Variants in SNTB2 observed in about 807,000 individuals in gnomAD.
SNTB2 encodes the protein syntrophin beta 2.
SNTB2 carries 34 observed loss-of-function variants against 46.2 expected under a neutral mutation model. That is an observed-to-expected ratio of 0.74 (90% CI 0.56 to 0.98). SNTB2 has a LOEUF of 0.98. Ranked by LOEUF, SNTB2 falls within the 50% of genes least tolerant of loss-of-function variation. The probability of loss-of-function intolerance (pLI) is 0.00; values close to 1 mark genes in which losing one functional copy is unlikely to be tolerated. For missense variants in SNTB2, 603 were observed against 731.4 expected, an observed-to-expected ratio of 0.82 and a Z score of 2.02; for synonymous variants, 290 against 312.6, an observed-to-expected ratio of 0.93 and a Z score of 0.76.
At chr16:69,225,555 AT>A (rs1964450499) in intron 1 of SNTB2, among the ~76,000 whole-genome samples, 1 of 152,306 alleles carries the variant, frequency 6.6e-6, no homozygotes, top group South Asian at 2.1e-4. Context: ...GTTACATCCA[AT>A]TATGTGTAAC....
At chr16:69,201,432 C>T (rs1411732289) in intron 1 of SNTB2, among the ~76,000 whole-genome samples, 1 of 152,132 alleles carries the variant, frequency 6.6e-6, no homozygotes, top group Non-Finnish European at 1.5e-5. Context: ...TAGGAAAAAA[C>T]ATAGCAAAAT....
chr16:69,205,570 TTTCTTTCC>T (rs1964208619), intron 1 of SNTB2, among the ~76,000 whole-genome samples: 1 of 152,108 alleles, frequency 6.6e-6, no homozygotes, highest in Non-Finnish European at 1.5e-5. Context: ...TCAGTTTTAG[TTTCTTTCC>T]TTCCCTCTCT....
intron 2 of SNTB2, among the ~76,000 whole-genome samples, chr16:69,257,446 T>A (rs1377892286): frequency 6.6e-6 from 1 of 150,462 alleles, no homozygotes; most frequent in Non-Finnish European, 1.5e-5. Flanking sequence ...TATTTATTTA[T>A]TTATTTATTT....
intron 1 of SNTB2, among the ~76,000 whole-genome samples, chr16:69,245,279 C>T (rs1015844942): frequency 3.3e-5 from 5 of 152,024 alleles, no homozygotes; most frequent in Non-Finnish European, 7.4e-5. Context: ...CTGCAGCCAC[C>T]GCCTCCCGGG....
At chr16:69,245,949 G>A in intron 2 of SNTB2, 134 bp downstream of exon 2, 1 of 931,992 alleles carries the variant, frequency 1.1e-6, no homozygotes, top group African/African-American at 1.7e-5. Flanking sequence ...CATTTTTGGG[G>A]TTCCACATTT....
intron 3 of SNTB2, among the ~76,000 whole-genome samples, chr16:69,264,704 A>G (rs1025060953): frequency 6.6e-6 from 1 of 152,192 alleles, no homozygotes; most frequent in Non-Finnish European, 1.5e-5. Context: ...GAAGAAAGAA[A>G]AAAAAGAAAG....
intron 2 of SNTB2, among the ~76,000 whole-genome samples, chr16:69,254,710 G>T (rs1244981905): frequency 1.3e-5 from 2 of 152,218 alleles, no homozygotes; most frequent in Admixed American, 6.5e-5. Context: ...AAGCACAGTG[G>T]CTCATGCCTA....
At chr16:69,190,397 G>A (rs761991936) in intron 1 of SNTB2, among the ~76,000 whole-genome samples, 1 of 152,216 alleles carries the variant, frequency 6.6e-6, no homozygotes, top group Non-Finnish European at 1.5e-5. Flanking sequence ...GGGATTTGCA[G>A]GAGTTATTTA....
chr16:69,276,202 CA>C (rs11345899), intron 4 of SNTB2, among the ~76,000 whole-genome samples: 38,499 of 136,616 alleles, frequency 0.28, 5,364 homozygotes, highest in African/African-American at 0.4. Context: ...AAAAAGATCT[CA>C]AAAAAAAAAA....
In SNTB2 at chr16:69,308,637, T is replaced by C. The variant is rs1367648915; in HGVS notation, c.*7713T>C. 2 of 152,230 alleles carry C rather than the reference T, an allele frequency of 1.3e-5. No individual in the cohort carries two copies. The allele number at this position is 152,230 out of a possible 1,614,324, so 9.4% of individuals were successfully genotyped here. On this transcript the variant is annotated 3_prime_UTR_variant, in exon 7 of 7. Coordinates refer to ENST00000336278, the MANE Select transcript of SNTB2 (RefSeq NM_006750.4). ...CAAACTCTGATGATACCTGCTTATGTGGATTCTTTTCCACACTGCTTTCAT... is the reference window on the plus strand; with the variant it reads ...CAAACTCTGATGATACCTGCTTATGCGGATTCTTTTCCACACTGCTTTCAT...
At chr16:69,248,597 A>C (rs771888284) in intron 2 of SNTB2, among the ~76,000 whole-genome samples, 29 of 152,276 alleles carry the variant, frequency 1.9e-4, no homozygotes, top group South Asian at 1.2e-3. Context: ...GCGCCTCTGC[A>C]CTCCAGTCTG....
At chr16:69,226,424 C>T (rs572312065) in intron 1 of SNTB2, among the ~76,000 whole-genome samples, 2 of 151,800 alleles carry the variant, frequency 1.3e-5, no homozygotes, top group Admixed American at 1.3e-4. Context: ...ATCATATGTG[C>T]TAGCAATAGA....
chr16:69,256,196 G>C (rs1247849456), intron 2 of SNTB2, among the ~76,000 whole-genome samples: 2 of 151,546 alleles, frequency 1.3e-5, no homozygotes, highest in African/African-American at 4.8e-5. Flanking sequence ...AAAAAAAAAA[G>C]TTTTGTAGAG....
At chr16:69,218,198 A>G (rs1316237930) in intron 1 of SNTB2, among the ~76,000 whole-genome samples, 1 of 152,192 alleles carries the variant, frequency 6.6e-6, no homozygotes, top group Non-Finnish European at 1.5e-5. Flanking sequence ...TAATCACAGG[A>G]TAAGCATGCT....
chr16:69,223,697 C>T (rs1366236127), intron 1 of SNTB2, among the ~76,000 whole-genome samples: 2 of 151,340 alleles, frequency 1.3e-5, no homozygotes, highest in African/African-American at 2.4e-5. Context: ...GGCCCAATCT[C>T]GGCTCACTGC....
rs1333092516 is a variant in SNTB2, at chr16:69,304,082, T to C, written c.*3158T>C. On this transcript the variant is annotated 3_prime_UTR_variant, in exon 7 of 7. Transcript: ENST00000336278. ...TGGTATATGAAAAGTCTCCCACCTT[T>C]TCTCCTAAAACTTCTCTCCTTTCTC... 1 of 152,160 alleles carries C rather than the reference T, an allele frequency of 6.6e-6. No individual in the cohort carries two copies. Among genetic ancestry groups the C allele is most frequent in the East Asian group, 1.9e-4 (1 of 5,202 alleles). 9.4% of individuals were successfully genotyped at this position (152,160 alleles called of 1,614,324 possible).
At position 69,266,780 on chromosome 16, in the gene SNTB2, A is replaced by C. The variant is rs557989706; in HGVS notation, c.1006-3363A>C. Among the ~76,000 whole-genome samples the C allele has an allele frequency of 1.3e-4, 20 of 152,254 alleles. No individual in the cohort carries two copies. In the Middle Eastern group the frequency reaches 0.014, roughly 104 times the overall value. On this transcript the variant is annotated intron_variant, in intron 3 of 6. Transcript: ENST00000336278. ...TGCCCAGGCTGGAGTACAGTAGTAC[A>C]ATCTCAGCTCACTGCAACTTCCACC...
intron 1 of SNTB2, among the ~76,000 whole-genome samples, chr16:69,243,785 T>A (rs1964641724): frequency 6.6e-6 from 1 of 152,164 alleles, no homozygotes. Flanking sequence ...TAAAAAAATC[T>A]CCTTGGTGAC....
chr16:69,238,517 A>G (rs1597182966), intron 1 of SNTB2, among the ~76,000 whole-genome samples: 1 of 152,162 alleles, frequency 6.6e-6, no homozygotes, highest in East Asian at 1.9e-4. Flanking sequence ...ATGGCATTAA[A>G]TAGCAACTAT....
Sources: allele counts gnomAD v4.1 joint callset (sites outside exome capture counted in the v4.1 genomes callset), GRCh38; gene constraint gnomAD v4.1.1; transcripts MANE v1.5; gene names NCBI Gene and HGNC (gene_info 2026-07-23, HGNC 2026-07-21).